The following NOP10 variants were observed in gnomAD, a reference collection of about 807,000 sequenced individuals.
NOP10 encodes NOP10 ribonucleoprotein.
A neutral mutation model predicts 9.5 loss-of-function variants in NOP10; 6 were observed. The ratio of observed to expected loss-of-function variants is 0.63; its 90% confidence interval spans 0.35 to 1.25. NOP10 has a LOEUF of 1.25. Ranked by LOEUF, NOP10 falls within the 50% of genes most tolerant of loss-of-function variation. The probability of loss-of-function intolerance (pLI) is 0.03; values close to 1 mark genes in which losing one functional copy is unlikely to be tolerated. For missense variants in NOP10, 75 were observed against 81.3 expected (o/e 0.92, Z 0.30); for synonymous variants, 28 against 30.7 (o/e 0.91, Z 0.29).
rs372176417 is a variant in NOP10 at position 34,341,924 on chromosome 15, C to T, written c.*44G>A. On this transcript the variant is annotated 3_prime_UTR_variant, in exon 2 of 2. Coordinates refer to ENST00000328848, the MANE Select transcript of NOP10 (RefSeq NM_018648.4). ...CCGAAGAGTTTGGTTACGGAGTCTC[C>T]GAGGGGTAACAGGTGGCAGAAAAGA... 119 of 1,608,090 alleles carry T rather than the reference C, an allele frequency of 7.4e-5. 3 individuals are homozygous for T. The highest frequency in any genetic ancestry group is 6.2e-4 in the East Asian group (28 of 44,822).
chr15:34,342,760 T>A (rs1322611147), intron 1 of NOP10, among the ~76,000 whole-genome samples: 2 of 152,012 alleles, frequency 1.3e-5, no homozygotes, highest in Non-Finnish European at 2.9e-5. Context: ...TTGCCCAGAA[T>A]GGTCGCGAAC....
At position 34,343,076 on chromosome 15, in the gene NOP10, T is replaced by C. The variant is rs1451898123; in HGVS notation, c.-3A>G. On this transcript the variant is annotated 5_prime_UTR_variant, in exon 1 of 2. Coordinates refer to ENST00000328848, the MANE Select transcript of NOP10 (RefSeq NM_018648.4). The stretch of plus-strand genomic sequence containing the variant: ...TTGAGGTAATACTGGAGAAACATGA[T>C]CGCTTATAAGCCAGCGGTCCCAATT... The C allele has an allele frequency of 6.2e-7, 1 of 1,614,072 alleles. No homozygotes were observed. Among genetic ancestry groups the C allele is most frequent in the Non-Finnish European group, 8.5e-7 (1 of 1,180,008 alleles).
chr15:34,342,629 C>T (rs1422742171), intron 1 of NOP10, among the ~76,000 whole-genome samples: 1 of 151,596 alleles, frequency 6.6e-6, no homozygotes, highest in Non-Finnish European at 1.5e-5. Context: ...TCACTGCAAC[C>T]TCTGCCTCCC....
At position 34,341,882 on chromosome 15, in the gene NOP10, G is replaced by A; in HGVS notation, c.*86C>T. On this transcript the variant is annotated 3_prime_UTR_variant, in exon 2 of 2. Transcript: ENST00000328848. ...GCCAAAGAGTATGGCTGGCAAAAAG[G>A]CATCAGGGCTCACAGTCCGAAGAGT... The A allele has an allele frequency of 7.2e-7, 1 of 1,384,708 alleles. No individual in the cohort carries two copies. Among genetic ancestry groups the A allele is most frequent in the Non-Finnish European group, 1.0e-6 (1 of 984,826 alleles). The allele number at this position is 1,384,708 out of a possible 1,614,324, so 85.8% of individuals were successfully genotyped here. A position where few individuals can be genotyped will look rare whatever the true frequency, so the allele number is the denominator to read the frequency against.
chr15:34,342,560 T>C (rs1380814308), intron 1 of NOP10, among the ~76,000 whole-genome samples: 2 of 133,176 alleles, frequency 1.5e-5, no homozygotes, highest in East Asian at 2.2e-4. Context: ...CGAGTCCCTG[T>C]CTTTAAAAAA....
intron 1 of NOP10, among the ~76,000 whole-genome samples, chr15:34,342,422 G>A (rs183707851): frequency 1.3e-5 from 2 of 151,748 alleles, no homozygotes; most frequent in East Asian, 3.9e-4. Context: ...AAATTAGCCG[G>A]GTATGGTGGC....
chr15:34,341,851 C>A lies in NOP10; in HGVS notation c.*117G>T. The A allele has an allele frequency of 9.6e-7, 1 of 1,037,568 alleles. No individual in the cohort carries two copies. 64.3% of individuals were successfully genotyped at this position (1,037,568 alleles called of 1,614,324 possible). On this transcript the variant is annotated 3_prime_UTR_variant, in exon 2 of 2. Transcript: ENST00000328848. Reference sequence around the variant, plus strand: ...AAGCATAATCAATCGCCACGAGAGACTGGATGCCAAAGAGTATGGCTGGCA... The same window carrying A: ...AAGCATAATCAATCGCCACGAGAGAATGGATGCCAAAGAGTATGGCTGGCA...
chr15:34,342,062 C>T lies in NOP10; in HGVS notation c.101G>A (p.Arg34Gln). The change falls in exon 2 of 2, where the codon CGG (arginine) becomes CAG (glutamine). Residue 34 changes from arginine to glutamine, a missense_variant. Transcript: ENST00000328848. Reference sequence around the variant, plus strand: ...AGAGTATTTGTCATCTGGGGAGAACCGAGCAGGATGGGCTGAGCAGGTCTG... The same window carrying T: ...AGAGTATTTGTCATCTGGGGAGAACTGAGCAGGATGGGCTGAGCAGGTCTG... ...GQQTCSAHPARFSPDDKYSRH... is the reference protein window; with the variant it reads ...GQQTCSAHPAQFSPDDKYSRH... 6.2e-7 allele frequency: 1 copy of T among 1,613,986 alleles called. No homozygotes were observed. Among genetic ancestry groups the T allele is most frequent in the Non-Finnish European group, 8.5e-7 (1 of 1,180,012 alleles).
rs180997536 is a variant in NOP10 at position 34,342,289 on chromosome 15, G to C, written c.55-181C>G. On this transcript the variant is annotated intron_variant, in intron 1 of 1. Coordinates refer to ENST00000328848, the MANE Select transcript of NOP10 (RefSeq NM_018648.4). Reference sequence around the variant, plus strand: ...GCGGTGGCTCACGCCTGTAATCCTGGCACTTTGGGAGGTCGAGGCGGGAGG... The same window carrying C: ...GCGGTGGCTCACGCCTGTAATCCTGCCACTTTGGGAGGTCGAGGCGGGAGG... 1.3e-5 allele frequency among the ~76,000 whole-genome samples: 2 copies of C among 151,282 alleles called. 1 individual carries two copies. Among genetic ancestry groups the C allele is most frequent in the South Asian group, 4.2e-4 (2 of 4,784 alleles).
chr15:34,343,021 T>C lies in NOP10; in HGVS notation c.53A>G (p.Lys18Arg). The change falls in exon 1 of 2, where the codon AAG becomes AGG. Residue 18 changes from lysine to arginine, a missense_variant and splice_region_variant. Transcript: ENST00000328848. ...NEQGDRVYTLKKFDPMGQQTC... is the reference protein window; with the variant it reads ...NEQGDRVYTLRKFDPMGQQTC... ...TTACACCCTGTTTTCTCTCCTCACC[T>C]TCAGCGTATAGACTCGATCTCCCTG... 6.2e-7 allele frequency: 1 copy of C among 1,613,858 alleles called. No individual in the cohort carries two copies. Among genetic ancestry groups the C allele is most frequent in the Non-Finnish European group, 8.5e-7 (1 of 1,179,718 alleles).
In NOP10 at chr15:34,342,092, C is replaced by G; in HGVS notation, c.71G>C (p.Gly24Ala). 6.2e-7 allele frequency: 1 copy of G among 1,613,956 alleles called. No homozygotes were observed. The highest frequency in any genetic ancestry group is 8.5e-7 in the Non-Finnish European group (1 of 1,179,960). The change falls in exon 2 of 2, where the codon GGA (glycine) becomes GCA (alanine). Residue 24 changes from glycine to alanine, a missense_variant. Transcript: ENST00000328848. ...AGGATGGGCTGAGCAGGTCTGTTGT[C>G]CCATCGGGTCAAATTTCTGCTCCAG... ...VYTLKKFDPM[G>A]QQTCSAHPAR...
In NOP10 at chr15:34,343,109, C is replaced by G. The variant is rs1285276037; in HGVS notation, c.-36G>C. 6.2e-7 allele frequency: 1 copy of G among 1,609,070 alleles called. No homozygotes were observed. The highest frequency in any genetic ancestry group is 8.5e-7 in the Non-Finnish European group (1 of 1,175,460). On this transcript the variant is annotated 5_prime_UTR_variant, in exon 1 of 2. Coordinates refer to ENST00000328848, the MANE Select transcript of NOP10 (RefSeq NM_018648.4). Reference sequence around the variant, plus strand: ...AAGCCAGCGGTCCCAATTCGGTCCACCGCTCAGTCTGCAGTGGTCCGCCCG... The same window carrying G: ...AAGCCAGCGGTCCCAATTCGGTCCAGCGCTCAGTCTGCAGTGGTCCGCCCG...
Position 34,343,115 on chromosome 15 carries a change from A to C in NOP10, c.-42T>G, listed in dbSNP as rs1555393912. Reference sequence around the variant, plus strand: ...GCGGTCCCAATTCGGTCCACCGCTCAGTCTGCAGTGGTCCGCCCGACCGCG... The same window carrying C: ...GCGGTCCCAATTCGGTCCACCGCTCCGTCTGCAGTGGTCCGCCCGACCGCG... On this transcript the variant is annotated 5_prime_UTR_variant, in exon 1 of 2. Transcript: ENST00000328848. The C allele has an allele frequency of 1.9e-6, 3 of 1,594,622 alleles. No homozygotes were observed. The highest frequency in any genetic ancestry group is 2.6e-6 in the Non-Finnish European group (3 of 1,162,254).
In NOP10 at chr15:34,342,048, C is replaced by T. The variant is rs779969910; in HGVS notation, c.115G>A (p.Asp39Asn). ...SAHPARFSPDDKYSRHRITIK... is the reference protein window; with the variant it reads ...SAHPARFSPDNKYSRHRITIK... Reference sequence around the variant, plus strand: ...GTGATTCGGTGTCGAGAGTATTTGTCATCTGGGGAGAACCGAGCAGGATGG... The same window carrying T: ...GTGATTCGGTGTCGAGAGTATTTGTTATCTGGGGAGAACCGAGCAGGATGG... Residue 39 changes from aspartate (D) to asparagine (N), a missense_variant, in exon 2 of 2, where the codon GAC (aspartate) becomes AAC (asparagine). Physicochemically the swap from Asp to Asn is conservative, Grantham distance 23. Coordinates refer to ENST00000328848, the MANE Select transcript of NOP10 (RefSeq NM_018648.4). The T allele has an allele frequency of 6.2e-7, 1 of 1,614,092 alleles. No individual in the cohort carries two copies. Among genetic ancestry groups the T allele is most frequent in the Non-Finnish European group, 8.5e-7 (1 of 1,180,012 alleles).
Position 34,342,036 on chromosome 15 carries a change from G to T in NOP10, c.127C>A (p.Arg43=). The T allele has an allele frequency of 6.2e-7, 1 of 1,614,110 alleles. No homozygotes were observed. ...ARFSPDDKYS[R]HRITIKKRFK... The stretch of plus-strand genomic sequence containing the variant: ...CGTTTCTTGATGGTGATTCGGTGTC[G>T]AGAGTATTTGTCATCTGGGGAGAAC... The change falls in exon 2 of 2, where the codon CGA becomes AGA. Residue 43 remains arginine, a synonymous_variant. Transcript: ENST00000328848.
chr15:34,342,880 G>A (rs952734804), intron 1 of NOP10, 140 bp downstream of exon 1: 3 of 811,312 alleles, frequency 3.7e-6, no homozygotes, highest in Non-Finnish European at 4.3e-6. Flanking sequence ...AATGAGTCGC[G>A]CGGTCCCGGT....
chr15:34,342,712 A>T (rs1471997925), intron 1 of NOP10, among the ~76,000 whole-genome samples: 1 of 151,902 alleles, frequency 6.6e-6, no homozygotes, highest in Non-Finnish European at 1.5e-5. Context: ...ATGCCCGGCT[A>T]ATTTTTTGTA....
intron 1 of NOP10, 109 bp downstream of exon 1, chr15:34,342,911 G>A (rs1890508042): frequency 1.9e-6 from 2 of 1,074,408 alleles, no homozygotes; most frequent in Non-Finnish European, 2.9e-6. Context: ...CTCGGTTCTG[G>A]ACTTTCTGGT....
chr15:34,342,888 G>C, intron 1 of NOP10, 132 bp downstream of exon 1: 1 of 888,962 alleles, frequency 1.1e-6, no homozygotes, highest in Non-Finnish European at 1.9e-6. Flanking sequence ...GCGCGGTCCC[G>C]GTTCTTCCCC....
Sources: gnomAD v4.1 joint callset for allele counts (sites outside exome capture counted in the v4.1 genomes callset) on GRCh38, gnomAD v4.1.1 for gene constraint, MANE v1.5 for transcripts, NCBI Gene and HGNC (gene_info 2026-07-23, HGNC 2026-07-21) for gene names.